Variants in EYS observed in about 807,000 individuals in gnomAD.
EYS encodes EGF-like photoreceptor maintenance factor.
Under a neutral mutation model 282.1 loss-of-function variants are expected in EYS, and 250 were observed. The ratio of observed to expected loss-of-function variants is 0.89; its 90% CI spans 0.80 to 0.98. The LOEUF (loss-of-function observed/expected upper bound fraction) is 0.98. Among genes scored for constraint, EYS ranks in the 50% least tolerant of loss-of-function variants. EYS has a pLI of 0.00. For synonymous variants in EYS, 1,355 were observed against 1,282.9 expected (o/e 1.06, Z -1.20); for missense variants, 4,016 against 3,709.0 (o/e 1.08, Z -2.15).
chr6:65,329,701 C>T (rs1442958290), intron 11 of EYS: 2 of 978,910 alleles, frequency 2.0e-6, no homozygotes, highest in Non-Finnish European at 2.4e-6. Flanking sequence ...AAATCACGGA[C>T]ATCACGGCAG....
At chr6:64,142,996 T>TA (rs35472890) in intron 31 of EYS, among the ~76,000 whole-genome samples, 1 of 152,100 alleles carries the variant, frequency 6.6e-6, no homozygotes. Context: ...TATTCAGTGC[T>TA]AAAAAGTGAG....
rs139237390 is a variant in EYS, at chr6:63,742,303, C to G, written c.8072-15623G>C. Reference sequence around the variant, plus strand: ...TGTTCCCCAGCTGCTATACCTCTGGCTTTGCTTTTAGGGAAAGCTACAGCC... The same window carrying G: ...TGTTCCCCAGCTGCTATACCTCTGGGTTTGCTTTTAGGGAAAGCTACAGCC... On this transcript the variant is annotated intron_variant, in intron 41 of 42. Transcript: ENST00000503581. Among the ~76,000 whole-genome samples, 23 of 152,228 alleles carry G rather than the reference C, an allele frequency of 1.5e-4. No individual in the cohort carries two copies. The East Asian group carries it at 2.9e-3, about 19-fold the overall frequency.
rs369388425 is a variant in EYS at position 65,384,433 on chromosome 6, T to G, written c.1252A>C (p.Asn418His). Residue 418 changes from asparagine to histidine, a missense_variant, in exon 8 of 43, where the codon AAC becomes CAC. Coordinates refer to ENST00000503581, the MANE Select transcript of EYS (RefSeq NM_001142800.2). ...AAACACCATTCTTCATTCAGACAGT[T>G]GATGCTGAGCAGTTTACAGTGGTCA... Reference protein sequence around the residue: ...AIDHCKLLSINCLNEEWCFNI... With the variant: ...AIDHCKLLSIHCLNEEWCFNI... 1.2e-6 allele frequency: 2 copies of G among 1,609,722 alleles called. No homozygotes were observed. The highest frequency in any genetic ancestry group is 1.7e-6 in the Non-Finnish European group (2 of 1,177,744).
At chr6:64,118,874 T>C (rs1448275883) in intron 31 of EYS, among the ~76,000 whole-genome samples, 1 of 152,036 alleles carries the variant, frequency 6.6e-6, no homozygotes, top group Non-Finnish European at 1.5e-5. Flanking sequence ...ATAATCTAAT[T>C]TTAAAATGGG....
chr6:64,250,252 T>G (rs1188770783), intron 30 of EYS, among the ~76,000 whole-genome samples: 3 of 152,318 alleles, frequency 2.0e-5, no homozygotes, highest in Middle Eastern at 3.4e-3. Flanking sequence ...GTCACCACAT[T>G]GCCTGATAAG....
chr6:64,238,251 G>T (rs963597920), intron 30 of EYS, among the ~76,000 whole-genome samples: 1 of 152,068 alleles, frequency 6.6e-6, no homozygotes, highest in Non-Finnish European at 1.5e-5. Flanking sequence ...CTGCATCCTT[G>T]GGTGTTAGGC....
intron 26 of EYS, among the ~76,000 whole-genome samples, chr6:64,574,839 CAAT>C (rs1415998483): frequency 3.0e-4 from 45 of 152,192 alleles, no homozygotes; most frequent in Middle Eastern, 3.4e-3. Flanking sequence ...CAAGTATACA[CAAT>C]GATACTTATA....
chr6:65,265,162 A>G (rs1767718952), intron 12 of EYS, among the ~76,000 whole-genome samples: 1 of 152,154 alleles, frequency 6.6e-6, no homozygotes, highest in African/African-American at 2.4e-5. Flanking sequence ...TACCTGGGTA[A>G]TGAGATCTTT....
At chr6:64,386,028 A>C (rs679299) in intron 29 of EYS, among the ~76,000 whole-genome samples, 105,232 of 151,952 alleles carry the variant, frequency 0.69, 36,424 homozygotes, top group Non-Finnish European at 0.71. Flanking sequence ...TCAATCAGTT[A>C]TTATGGCTTC....
intron 24 of EYS, among the ~76,000 whole-genome samples, chr6:64,594,915 A>G (rs1368796325): frequency 1.3e-5 from 2 of 152,160 alleles, no homozygotes; most frequent in East Asian, 3.9e-4. Context: ...ATTACAAAAC[A>G]TTGAAGAGGA....
intron 12 of EYS, among the ~76,000 whole-genome samples, chr6:65,243,953 T>A (rs1767116541): frequency 6.6e-6 from 1 of 152,228 alleles, no homozygotes; most frequent in Non-Finnish European, 1.5e-5. Context: ...TTGCTAGTTG[T>A]ATTCCAAATA....
At chr6:65,314,198 C>A (rs1427418707) in intron 11 of EYS, among the ~76,000 whole-genome samples, 1 of 151,616 alleles carries the variant, frequency 6.6e-6, no homozygotes, top group Non-Finnish European at 1.5e-5. Context: ...TCAAATGTTA[C>A]CTTCTCAATG....
Position 65,175,889 on chromosome 6 carries a change from T to G in EYS, c.2024-118162A>C, listed in dbSNP as rs1413290491. 2.0e-5 allele frequency among the ~76,000 whole-genome samples: 3 copies of G among 151,692 alleles called. No homozygotes were observed. The East Asian group carries it at 5.9e-4, about 30-fold the overall frequency. ...CATAGGTATGCTTAGTTAGTTGTGCTTGTTACCAAAATGCCAATGAGATGT... is the reference window on the plus strand; with the variant it reads ...CATAGGTATGCTTAGTTAGTTGTGCGTGTTACCAAAATGCCAATGAGATGT... On this transcript the variant is annotated intron_variant, in intron 12 of 42. Transcript: ENST00000503581.
intron 35 of EYS, among the ~76,000 whole-genome samples, chr6:63,912,116 G>A (rs966359637): frequency 2.0e-5 from 3 of 152,214 alleles, no homozygotes; most frequent in African/African-American, 7.2e-5. Context: ...CAAAGTTGTA[G>A]AGAGGAAGGG....
At chr6:65,671,416 T>A (rs1431483584) in intron 1 of EYS, among the ~76,000 whole-genome samples, 1 of 151,988 alleles carries the variant, frequency 6.6e-6, no homozygotes, top group Non-Finnish European at 1.5e-5. Context: ...TGCAAATTAG[T>A]TTACCTAAAA....
intron 22 of EYS, among the ~76,000 whole-genome samples, chr6:64,674,754 G>A (rs201205000): frequency 1.5e-3 from 168 of 113,752 alleles, no homozygotes; most frequent in African/African-American, 5.4e-3. Context: ...ACACACACAC[G>A]CATATATACA....
At chr6:64,354,339 G>T (rs944515094) in intron 29 of EYS, among the ~76,000 whole-genome samples, 2 of 151,538 alleles carry the variant, frequency 1.3e-5, no homozygotes, top group South Asian at 2.1e-4. Flanking sequence ...TCCCACAAGC[G>T]CCATCACCAC....
chr6:65,594,344 A>G lies in EYS; in HGVS notation c.-333+45434T>C, dbSNP rs1202593460. Reference sequence around the variant, plus strand: ...TGAACAAAAACCCATAGTTAAAACCATGGCGTTTTTCTTTTTCATTTTGTA... The same window carrying G: ...TGAACAAAAACCCATAGTTAAAACCGTGGCGTTTTTCTTTTTCATTTTGTA... On this transcript the variant is annotated intron_variant, in intron 2 of 42. Coordinates refer to ENST00000503581, the MANE Select transcript of EYS (RefSeq NM_001142800.2). Among the ~76,000 whole-genome samples the G allele has an allele frequency of 2.0e-5, 3 of 152,130 alleles. No homozygotes were observed. The East Asian group carries it at 5.8e-4, about 29-fold the overall frequency.
At chr6:63,846,861 A>G (rs1367465437) in intron 36 of EYS, among the ~76,000 whole-genome samples, 1 of 152,178 alleles carries the variant, frequency 6.6e-6, no homozygotes, top group Non-Finnish European at 1.5e-5. Flanking sequence ...AATTTAAAAT[A>G]TATTAATACA....
Sources: allele counts gnomAD v4.1 joint callset (sites outside exome capture counted in the v4.1 genomes callset), GRCh38; gene constraint gnomAD v4.1.1; transcripts MANE v1.5; gene names NCBI Gene and HGNC (gene_info 2026-07-23, HGNC 2026-07-21).